TGM3: variants seen among roughly 807,000 people sequenced by gnomAD.
The protein encoded by TGM3 is transglutaminase 3.
In TGM3, 52 loss-of-function variants were observed where a neutral mutation model predicts 73.8. The observed-to-expected ratio is 0.70, with a 90% confidence interval of 0.56 to 0.89. The LOEUF is 0.89. Among genes scored for constraint, TGM3 ranks in the 40% least tolerant of loss-of-function variants. TGM3 has a pLI of 0.00. For synonymous variants in TGM3, 372 were observed against 354.9 expected (o/e 1.05, Z -0.54); for missense variants, 928 against 909.9 (o/e 1.02, Z -0.26).
At chr20:2,327,655 G>A (rs751489055) in intron 8 of TGM3, among the ~76,000 whole-genome samples, 2 of 152,126 alleles carry the variant, frequency 1.3e-5, no homozygotes, top group Admixed American at 6.5e-5. Flanking sequence ...AGCTTCCTAT[G>A]CTGAGTGCTA....
chr20:2,326,181 C>G (rs2084286858), intron 8 of TGM3, among the ~76,000 whole-genome samples: 1 of 152,260 alleles, frequency 6.6e-6, no homozygotes, highest in Non-Finnish European at 1.5e-5. Flanking sequence ...TGCACAGAGC[C>G]TTGGCACAGG....
intron 1 of TGM3, among the ~76,000 whole-genome samples, chr20:2,302,666 G>C (rs2084154953): frequency 9.3e-6 from 1 of 107,112 alleles, no homozygotes; most frequent in Admixed American, 1.4e-4. Context: ...AGAAGAGGAA[G>C]AAAACAGGCA....
chr20:2,307,247 C>T (rs922314051), intron 1 of TGM3, among the ~76,000 whole-genome samples: 14 of 152,148 alleles, frequency 9.2e-5, no homozygotes, highest in African/African-American at 2.4e-4. Flanking sequence ...CAGGTTGGCT[C>T]ACCATCCCAG....
chr20:2,322,513 A>T (rs1295148598), intron 7 of TGM3, among the ~76,000 whole-genome samples: 4 of 152,242 alleles, frequency 2.6e-5, no homozygotes, highest in Admixed American at 2.6e-4. Flanking sequence ...TCGTAAGTGC[A>T]TCATATTCTC....
Position 2,315,164 on chromosome 20 carries a change from G to A in TGM3, c.670-1904G>A, listed in dbSNP as rs1378297453. On this transcript the variant is annotated intron_variant, in intron 5 of 12. Transcript: ENST00000381458. ...CTAGGAGAGAGTGGGTGAGGCCAGC[G>A]GCTCCTGCAGCTGCTGACTCACTCG... Among the ~76,000 whole-genome samples, 8 of 152,300 alleles carry A rather than the reference G, an allele frequency of 5.3e-5. 1 individual carries two copies. Among genetic ancestry groups the A allele is most frequent in the Admixed American group, 4.6e-4 (7 of 15,312 alleles).
At position 2,313,156 on chromosome 20, in the gene TGM3, C is replaced by A. The variant is rs1288600242; in HGVS notation, c.669+130C>A. The A allele has an allele frequency of 3.0e-6, 4 of 1,334,776 alleles. No homozygotes were observed. In the African/African-American group the frequency reaches 4.4e-5, roughly 15 times the overall value. The allele number at this position is 1,334,776 out of a possible 1,614,324, so 82.7% of individuals were successfully genotyped here. On this transcript the variant is annotated intron_variant, in intron 5 of 12. Transcript: ENST00000381458. ...ACCAATTACAGCTGGTGGTTAGAAC[C>A]ATCCACATTTTACTAACTTGGAGCA...
intron 1 of TGM3, among the ~76,000 whole-genome samples, chr20:2,297,013 G>T (rs751572853): frequency 6.6e-6 from 1 of 152,232 alleles, no homozygotes; most frequent in Non-Finnish European, 1.5e-5. Context: ...ACAGGTGATT[G>T]CACATTAGGC....
chr20:2,319,528 G>A (rs1367072548), intron 7 of TGM3, among the ~76,000 whole-genome samples: 1 of 152,164 alleles, frequency 6.6e-6, no homozygotes, highest in African/African-American at 2.4e-5. Flanking sequence ...TTAGAACCCA[G>A]GTCTCCTGGT....
chr20:2,339,057 C>T (rs1157784219), intron 11 of TGM3, among the ~76,000 whole-genome samples: 5 of 152,282 alleles, frequency 3.3e-5, no homozygotes, highest in Non-Finnish European at 7.3e-5. Context: ...GGTATTAGAG[C>T]TCCGCTCAGA....
At chr20:2,315,399 G>A (rs781651250) in intron 5 of TGM3, among the ~76,000 whole-genome samples, 1 of 152,222 alleles carries the variant, frequency 6.6e-6, no homozygotes, top group Non-Finnish European at 1.5e-5. Flanking sequence ...GGGAAGGGCT[G>A]CGCAACCTTC....
chr20:2,318,892 G>A (rs2084249199), intron 7 of TGM3, among the ~76,000 whole-genome samples: 1 of 152,146 alleles, frequency 6.6e-6, no homozygotes, highest in Non-Finnish European at 1.5e-5. Flanking sequence ...ACAACTCCAT[G>A]CCAGCAACCG....
chr20:2,340,040 GC>G lies in TGM3; in HGVS notation c.1934+56del, dbSNP rs1397733432. The G allele has an allele frequency of 5.3e-6, 5 of 944,862 alleles. No homozygotes were observed. In the East Asian group the frequency reaches 1.0e-4, roughly 19 times the overall value. The allele number at this position is 944,862 out of a possible 1,614,324, so 58.5% of individuals were successfully genotyped here. A position where few individuals can be genotyped will look rare whatever the true frequency, so the allele number is the denominator to read the frequency against. On this transcript the variant is annotated intron_variant, in intron 12 of 12. Transcript: ENST00000381458. ...CAGGAGGGCGGGAGGGGGCGGGGGGGCCCTCCAGATCCCCTGGGTGGGACAG... is the reference window on the plus strand; with the variant it reads ...CAGGAGGGCGGGAGGGGGCGGGGGGGCCTCCAGATCCCCTGGGTGGGACAG...
At chr20:2,298,052 C>G (rs1217492232) in intron 1 of TGM3, among the ~76,000 whole-genome samples, 2 of 126,108 alleles carry the variant, frequency 1.6e-5, no homozygotes, top group African/African-American at 5.5e-5. Context: ...ATGAGTTGGA[C>G]TTGGTCTGGA....
rs34234428 is a variant in TGM3, at chr20:2,332,249, C to T, written c.1581C>T (p.Asn527=). ...TGACAGCCTGGACCATCATCTACAACGGCACGCTTGTACATGAAGTGTGGA... is the reference window on the plus strand; with the variant it reads ...TGACAGCCTGGACCATCATCTACAATGGCACGCTTGTACATGAAGTGTGGA... The part of the protein sequence containing the change: ...VNMTAWTIIY[N]GTLVHEVWKD... The change falls in exon 10 of 13, where the codon AAC becomes AAT. Residue 527 remains asparagine, a synonymous_variant. Coordinates refer to ENST00000381458, the MANE Select transcript of TGM3 (RefSeq NM_003245.4). The surrounding 1 kb of genome is among the most constrained non-coding windows in gnomAD (Gnocchi z 4.4). The T allele has an allele frequency of 2.3e-3, 3,711 of 1,613,770 alleles. 50 individuals carry two copies. In the African/African-American group the frequency reaches 0.033, roughly 14 times the overall value.
At chr20:2,335,809 TG>T (rs1380218643) in intron 11 of TGM3, among the ~76,000 whole-genome samples, 7 of 152,270 alleles carry the variant, frequency 4.6e-5, no homozygotes, top group African/African-American at 1.7e-4. Flanking sequence ...GTCTAGACCC[TG>T]GAGTTACAGA....
chr20:2,317,113 G>T lies in TGM3; in HGVS notation c.715G>T (p.Gly239Cys). 1 of 1,613,956 alleles carries T rather than the reference G, an allele frequency of 6.2e-7. No individual in the cohort carries two copies. The highest frequency in any genetic ancestry group is 8.5e-7 in the Non-Finnish European group (1 of 1,179,994). The change falls in exon 6 of 13, where the codon GGC becomes TGC. Residue 239 changes from glycine (G) to cysteine (C), a missense_variant. Coordinates refer to ENST00000381458, the MANE Select transcript of TGM3 (RefSeq NM_003245.4). ...DNGVLAGNWS[G>C]TYTGGRDPRS... is the part of the protein sequence containing the mutation. Reference sequence around the variant, plus strand: ...TGGTGTGCTTGCTGGGAATTGGAGCGGCACTTACACCGGTGGCCGGGACCC... The same window carrying T: ...TGGTGTGCTTGCTGGGAATTGGAGCTGCACTTACACCGGTGGCCGGGACCC...
At position 2,312,914 on chromosome 20, in the gene TGM3, T is replaced by C; in HGVS notation, c.557T>C (p.Leu186Pro). The change falls in exon 5 of 13, where the codon CTC becomes CCC. Residue 186 changes from leucine (L) to proline (P), a missense_variant. Coordinates refer to ENST00000381458, the MANE Select transcript of TGM3 (RefSeq NM_003245.4). ...WNFGQFEEDILSICLSILDRS... is the reference protein window; with the variant it reads ...WNFGQFEEDIPSICLSILDRS... ...TCTGAACAGTTTGAAGAAGACATTC[T>C]CAGCATCTGCCTCTCAATCTTGGAT... 2 of 1,614,216 alleles carry C rather than the reference T, an allele frequency of 1.2e-6. No individual in the cohort carries two copies. The highest frequency in any genetic ancestry group is 3.3e-5 in the Admixed American group (2 of 60,028).
chr20:2,335,080 T>TCC lies in TGM3; in HGVS notation c.1643-32_1643-31dup, dbSNP rs763612031. 2.5e-6 allele frequency: 4 copies of TCC among 1,611,628 alleles called. No individual in the cohort carries two copies. In the African/African-American group the frequency reaches 5.3e-5, roughly 22 times the overall value. ...AGGAAGGTTCAGAAGCCATCCCCAC[T>TCC]CCCCCTCACTCGGATCCCCTGGCTT... On this transcript the variant is annotated intron_variant, in intron 10 of 12. Coordinates refer to ENST00000381458, the MANE Select transcript of TGM3 (RefSeq NM_003245.4).
chr20:2,297,632 G>A (rs1332438399), intron 1 of TGM3, among the ~76,000 whole-genome samples: 1 of 152,194 alleles, frequency 6.6e-6, no homozygotes, highest in Admixed American at 6.5e-5. Context: ...AATGAGGCTG[G>A]TGGGGAGAAA....
Sources: gnomAD v4.1 joint callset for allele counts (sites outside exome capture counted in the v4.1 genomes callset) on GRCh38, gnomAD v4.1.1 for gene constraint, Gnocchi (gnomAD v3.1) non-coding constraint, MANE v1.5 for transcripts, NCBI Gene and HGNC (gene_info 2026-07-23, HGNC 2026-07-21) for gene names.